HSPA12B: variants seen among roughly 807,000 people sequenced by gnomAD.
HSPA12B encodes heat shock 70 kDa protein 12B.
HSPA12B carries 54 observed loss-of-function variants against 69.3 expected under a neutral mutation model. The observed-to-expected ratio is 0.78, with a 90% CI of 0.63 to 0.98. HSPA12B has a LOEUF of 0.98. Among genes scored for constraint, HSPA12B ranks in the 50% least tolerant of loss-of-function variants. The pLI, the probability that HSPA12B is intolerant of heterozygous loss-of-function variation, is 0.00. For missense variants in HSPA12B, 929 were observed against 999.8 expected, an observed-to-expected ratio of 0.93 and a Z score of 0.96; for synonymous variants, 441 against 436.5, an observed-to-expected ratio of 1.01 and a Z score of -0.13.
chr20:3,738,651 T>C lies in HSPA12B; in HGVS notation c.-17-7T>C. 1 of 1,613,924 alleles carries C rather than the reference T, an allele frequency of 6.2e-7. No homozygotes were observed. Among genetic ancestry groups the C allele is most frequent in the Non-Finnish European group, 8.5e-7 (1 of 1,179,772 alleles). The stretch of plus-strand genomic sequence containing the variant: ...ATCCCACTCTGCTTGTCTGTTCCTG[T>C]TGACAGCTACAGGGCCTGCAAGGAT... On this transcript the variant is annotated splice_polypyrimidine_tract_variant and splice_region_variant and intron_variant, in intron 1 of 12. Coordinates refer to ENST00000254963, the MANE Select transcript of HSPA12B (RefSeq NM_052970.5).
chr20:3,750,836 T>A lies in HSPA12B; in HGVS notation c.1334T>A (p.Met445Lys). 1 of 1,613,986 alleles carries A rather than the reference T, an allele frequency of 6.2e-7. No homozygotes were observed. The highest frequency in any genetic ancestry group is 1.1e-5 in the South Asian group (1 of 91,086). Residue 445 changes from methionine to lysine, a missense_variant, in exon 12 of 13, where the codon ATG becomes AAG. Physicochemically the swap from Met to Lys is moderately conservative, Grantham distance 95 (BLOSUM62 -1). Coordinates refer to ENST00000254963, the MANE Select transcript of HSPA12B (RefSeq NM_052970.5). ...VNFVKWSSQGMLRMSCEAMNE... is the reference protein window; with the variant it reads ...VNFVKWSSQGKLRMSCEAMNE... ...TTCGTGAAGTGGTCCTCACAGGGGA[T>A]GCTCCGAATGTCTTGTGAAGCCATG...
intron 12 of HSPA12B, chr20:3,751,150 G>C: frequency 1.3e-6 from 1 of 765,140 alleles, no homozygotes; most frequent in Non-Finnish European, 1.6e-6. Flanking sequence ...TGGGGTGATA[G>C]TATTGGGTTC....
At chr20:3,751,450 T>G in intron 12 of HSPA12B, 61 bp from the exon 13 acceptor site, 2 of 1,361,518 alleles carry the variant, frequency 1.5e-6, no homozygotes, top group Non-Finnish European at 1.9e-6. Context: ...TCAGTGGCTC[T>G]CTCTCCCCCG....
intron 1 of HSPA12B, among the ~76,000 whole-genome samples, chr20:3,736,428 T>C (rs1333689318): frequency 6.6e-6 from 1 of 151,980 alleles, no homozygotes; most frequent in Non-Finnish European, 1.5e-5. Flanking sequence ...TGTGTGGGAG[T>C]CCAGGTGTCT....
At chr20:3,747,659 G>T (rs2088330208) in intron 7 of HSPA12B, among the ~76,000 whole-genome samples, 1 of 152,208 alleles carries the variant, frequency 6.6e-6, no homozygotes. Flanking sequence ...CTTGGTGCCT[G>T]GAATTTCAGC....
chr20:3,749,914 C>G lies in HSPA12B; in HGVS notation c.1043-55C>G. 1 of 1,550,484 alleles carries G rather than the reference C, an allele frequency of 6.4e-7. No individual in the cohort carries two copies. On this transcript the variant is annotated intron_variant, in intron 10 of 12. Coordinates refer to ENST00000254963, the MANE Select transcript of HSPA12B (RefSeq NM_052970.5). This position sits in a 1 kb window ranked among gnomAD's most constrained non-coding sequence, Gnocchi z 5.5. ...GACCCGGGCTCCGGCCCCGCCACTGCCCCCTGGCGGCCCGGCGAGCGCTGA... is the reference window on the plus strand; with the variant it reads ...GACCCGGGCTCCGGCCCCGCCACTGGCCCCTGGCGGCCCGGCGAGCGCTGA...
intron 11 of HSPA12B, 102 bp downstream of exon 11, chr20:3,750,329 T>C: frequency 8.1e-7 from 1 of 1,229,950 alleles, no homozygotes; most frequent in African/African-American, 1.5e-5. Flanking sequence ...TCTGCCTGAT[T>C]CATCCCACAT....
Position 3,744,670 on chromosome 20 carries a change from G to A in HSPA12B, c.267-232G>A, listed in dbSNP as rs2088263382. On this transcript the variant is annotated intron_variant, in intron 4 of 12. Transcript: ENST00000254963. The surrounding 1 kb of genome is among the most constrained non-coding windows in gnomAD (Gnocchi z 4.9). ...ACCTTTCTTTCTAAAGGCAAATGTGGTCATACCTCTTGGCTACTTTAAATC... is the reference window on the plus strand; with the variant it reads ...ACCTTTCTTTCTAAAGGCAAATGTGATCATACCTCTTGGCTACTTTAAATC... Among the ~76,000 whole-genome samples, 1 of 152,180 alleles carries A rather than the reference G, an allele frequency of 6.6e-6. No homozygotes were observed. Among genetic ancestry groups the A allele is most frequent in the African/African-American group, 2.4e-5 (1 of 41,446 alleles).
chr20:3,733,385 G>T (rs1409527296), intron 1 of HSPA12B, among the ~76,000 whole-genome samples: 2 of 152,108 alleles, frequency 1.3e-5, no homozygotes, highest in Admixed American at 6.5e-5. Context: ...GAGTGATCAC[G>T]AAACTAGGGA....
Position 3,752,323 on chromosome 20 carries a change from G to C in HSPA12B, c.*157G>C, listed in dbSNP as rs1445793203. On this transcript the variant is annotated 3_prime_UTR_variant, in exon 13 of 13. Coordinates refer to ENST00000254963, the MANE Select transcript of HSPA12B (RefSeq NM_052970.5). ...GGGGAGATAAGGTCATGGGAGAGTG[G>C]GTGGGGACACACCCAGAGACTGGCT... 2.9e-6 allele frequency: 2 copies of C among 689,038 alleles called. No homozygotes were observed. Among genetic ancestry groups the C allele is most frequent in the African/African-American group, 3.8e-5 (2 of 52,422 alleles). 42.7% of individuals were successfully genotyped at this position (689,038 alleles called of 1,614,324 possible). A position where few individuals can be genotyped will look rare whatever the true frequency, so the allele number is the denominator to read the frequency against.
At chr20:3,735,760 C>G (rs2146551376) in intron 1 of HSPA12B, among the ~76,000 whole-genome samples, 1 of 152,182 alleles carries the variant, frequency 6.6e-6, no homozygotes, top group Admixed American at 6.5e-5. Context: ...GCCACGGCGC[C>G]CGGCCCAGAG....
Position 3,751,991 on chromosome 20 carries a change from C to A in HSPA12B, c.1886C>A (p.Ala629Glu), listed in dbSNP as rs2088434488. ...ITDPGVRKCG[A>E]LSLELEPADC... is the part of the protein sequence containing the mutation. The stretch of plus-strand genomic sequence containing the variant: ...GACCCCGGCGTGCGCAAATGCGGCG[C>A]GCTCAGCCTCGAGCTTGAGCCCGCC... The change falls in exon 13 of 13, where the codon GCG (alanine) becomes GAG (glutamate). Residue 629 changes from alanine to glutamate, a missense_variant. By Grantham distance (107) the Ala-to-Glu change is moderately radical. Around this residue, in one of 3 missense-constraint regions of HSPA12B, gnomAD observed 448 missense variants for 448.1 expected, o/e 1.00. Coordinates refer to ENST00000254963, the MANE Select transcript of HSPA12B (RefSeq NM_052970.5). 1 of 1,568,120 alleles carries A rather than the reference C, an allele frequency of 6.4e-7. No homozygotes were observed. Among genetic ancestry groups the A allele is most frequent in the Non-Finnish European group, 8.6e-7 (1 of 1,162,922 alleles).
chr20:3,751,891 C>CCGGCGCGTCCCGGCCAG lies in HSPA12B; in HGVS notation c.1795_1811dup (p.Leu605ProfsTer120). ...CGAGGAGGTGCGGCGCAGCTACTGCCCGGCGCGTCCCGGCCAGCGGCGCGT... is the reference window on the plus strand; with the variant it reads ...CGAGGAGGTGCGGCGCAGCTACTGCCCGGCGCGTCCCGGCCAGCGGCGCGTCCCGGCCAGCGGCGCGT... On this transcript the variant is annotated frameshift_variant, in exon 13 of 13. Transcript: ENST00000254963. LOFTEE classifies it high-confidence loss of function. 1 of 1,568,896 alleles carries CCGGCGCGTCCCGGCCAG rather than the reference C, an allele frequency of 6.4e-7. No homozygotes were observed. Among genetic ancestry groups the CCGGCGCGTCCCGGCCAG allele is most frequent in the Non-Finnish European group, 8.6e-7 (1 of 1,163,144 alleles).
intron 11 of HSPA12B, chr20:3,750,562 A>C: frequency 5.4e-6 from 3 of 552,642 alleles, no homozygotes; most frequent in Non-Finnish European, 6.9e-6. Flanking sequence ...AAGCAAGGGG[A>C]GGCCCCTCCC....
chr20:3,743,245 G>A (rs2088238872), intron 4 of HSPA12B, among the ~76,000 whole-genome samples: 1 of 148,238 alleles, frequency 6.7e-6, no homozygotes, highest in Admixed American at 6.8e-5. Context: ...GTGCAGTGGT[G>A]TGATCATAGC....
At chr20:3,739,354 G>A (rs1689620665) in intron 2 of HSPA12B, among the ~76,000 whole-genome samples, 1 of 152,244 alleles carries the variant, frequency 6.6e-6, no homozygotes, top group African/African-American at 2.4e-5. Flanking sequence ...AGTATAGTCT[G>A]CAGGTGGGCA....
At chr20:3,742,470 C>A in intron 4 of HSPA12B, 62 bp downstream of exon 4, 1 of 1,336,866 alleles carries the variant, frequency 7.5e-7, no homozygotes, top group Non-Finnish European at 1.1e-6. Flanking sequence ...ATACCTTGGT[C>A]CCAAAAGTAC....
chr20:3,735,495 C>G (rs1449437383), intron 1 of HSPA12B, among the ~76,000 whole-genome samples: 2 of 148,650 alleles, frequency 1.3e-5, no homozygotes, highest in African/African-American at 2.5e-5. Context: ...GATGGGGTCT[C>G]ACTCTTCTCG....
At position 3,745,368 on chromosome 20, in the gene HSPA12B, C is replaced by CAAGAGTGGGACGGTGGTA; in HGVS notation, c.454-119_454-102dup. 1 of 743,718 alleles carries CAAGAGTGGGACGGTGGTA rather than the reference C, an allele frequency of 1.3e-6. No individual in the cohort carries two copies. The highest frequency in any genetic ancestry group is 1.6e-5 in the South Asian group (1 of 61,708). The allele number at this position is 743,718 out of a possible 1,614,324, so 46.1% of individuals were successfully genotyped here. A position where few individuals can be genotyped will look rare whatever the true frequency, so the allele number is the denominator to read the frequency against. ...GGGGCAGAGCTAATGTCACATGGGG[C>CAAGAGTGGGACGGTGGTA]AAGAGTGGGACGGTGGTAAAGAGGA... On this transcript the variant is annotated intron_variant, in intron 5 of 12. Transcript: ENST00000254963. This position sits in a 1 kb window ranked among gnomAD's most constrained non-coding sequence, Gnocchi z 5.6.
Sources: allele counts gnomAD v4.1 joint callset (sites outside exome capture counted in the v4.1 genomes callset), GRCh38; gene constraint gnomAD v4.1.1; regional missense constraint gnomAD v4.1.1; non-coding constraint Gnocchi (gnomAD v3.1); transcripts MANE v1.5; gene names NCBI Gene and HGNC (gene_info 2026-07-23, HGNC 2026-07-21).